Variants in PSG9 observed in about 807,000 individuals in gnomAD.
The protein encoded by PSG9 is pregnancy-specific beta-1-glycoprotein 9.
Under a neutral mutation model 41.9 loss-of-function variants are expected in PSG9, and 49 were observed. The observed-to-expected ratio is 1.17, with a 90% confidence interval of 0.93 to 1.48. The LOEUF (loss-of-function observed/expected upper bound fraction) is 1.48, where lower values mean the gene tolerates loss of function less well. Ranked by LOEUF, PSG9 falls within the 40% of genes most tolerant of loss-of-function variation. PSG9 has a pLI of 0.00. For missense variants in PSG9, 641 were observed against 520.3 expected (o/e 1.23, Z -2.26); for synonymous variants, 263 against 196.8 (o/e 1.34, Z -2.82).
intron 2 of PSG9, among the ~76,000 whole-genome samples, chr19:43,266,025 G>A (rs764718270): frequency 4.6e-5 from 7 of 151,824 alleles, no homozygotes; most frequent in Non-Finnish European, 8.8e-5. Context: ...AAGGCCTAGG[G>A]GTGGGGGAAG....
intron 5 of PSG9, among the ~76,000 whole-genome samples, chr19:43,256,918 TACTC>T (rs1248768150): frequency 6.8e-6 from 1 of 146,932 alleles, no homozygotes. Context: ...AGAGAAGCAT[TACTC>T]ACACTAGCGA....
At chr19:43,266,681 C>G (rs910651255) in intron 2 of PSG9, among the ~76,000 whole-genome samples, 6 of 152,106 alleles carry the variant, frequency 3.9e-5, no homozygotes, top group Admixed American at 1.3e-4. Flanking sequence ...TCTCACTCCT[C>G]TGAGGTTTGG....
intron 5 of PSG9, chr19:43,257,330 A>G (rs1292774655): frequency 1.1e-6 from 1 of 918,314 alleles, no homozygotes; most frequent in Non-Finnish European, 1.3e-6. Flanking sequence ...GGTAAGTCTT[A>G]TATTAGATAT....
intron 2 of PSG9, among the ~76,000 whole-genome samples, chr19:43,263,017 A>T (rs758026907): frequency 1.3e-5 from 2 of 152,326 alleles, no homozygotes; most frequent in South Asian, 2.1e-4. Context: ...CTGGCCCTCA[A>T]GGACCATATG....
Position 43,267,945 on chromosome 19 carries a change from A to G in PSG9, c.269T>C (p.Ile90Thr), listed in dbSNP as rs372358381. Residue 90 changes from isoleucine to threonine, a missense_variant, in exon 2 of 6, where the codon ATA becomes ACA. Physicochemically the swap from Ile to Thr is moderately conservative, Grantham distance 89. Transcript: ENST00000270077. ...TCTTCCACTGTATGCAGGCCCATAT[A>G]TAATTATTTTACCATCAACTATATA... ...ISYIVDGKII[I>T]YGPAYSGRET... 6.8e-6 allele frequency: 11 copies of G among 1,613,494 alleles called. No homozygotes were observed. In the African/African-American group the frequency reaches 1.2e-4, roughly 18 times the overall value.
intron 2 of PSG9, among the ~76,000 whole-genome samples, chr19:43,263,823 C>T (rs60200812): frequency 3.3e-5 from 5 of 151,700 alleles, no homozygotes; most frequent in African/African-American, 9.7e-5. Flanking sequence ...TTAAAAGGAC[C>T]GAACTGGTCA....
chr19:43,269,207 C>T lies in PSG9; in HGVS notation c.64+161G>A, dbSNP rs548128746. 3.3e-5 allele frequency among the ~76,000 whole-genome samples: 5 copies of T among 152,066 alleles called. No individual in the cohort carries two copies. In the South Asian group the frequency reaches 8.3e-4, roughly 25 times the overall value. ...TTTTAGGAGAGACTGGGCTTCACTGCATTGGCCGGACTGATCTTGAACTCC... is the reference window on the plus strand; with the variant it reads ...TTTTAGGAGAGACTGGGCTTCACTGTATTGGCCGGACTGATCTTGAACTCC... On this transcript the variant is annotated intron_variant, in intron 1 of 5. Transcript: ENST00000270077.
chr19:43,268,782 G>C (rs1368193443), intron 1 of PSG9, among the ~76,000 whole-genome samples: 81 of 152,134 alleles, frequency 5.3e-4, no homozygotes, highest in Admixed American at 5.3e-3. Context: ...GCTGAGGATA[G>C]TGTTTCATGT....
chr19:43,255,373 G>T (rs1455908529), intron 5 of PSG9, among the ~76,000 whole-genome samples: 3 of 145,942 alleles, frequency 2.1e-5, no homozygotes, highest in South Asian at 2.2e-4. Context: ...CAACATAAAG[G>T]CAATATGTGA....
chr19:43,256,409 C>T (rs1263797510), intron 5 of PSG9, among the ~76,000 whole-genome samples: 13 of 146,280 alleles, frequency 8.9e-5, no homozygotes, highest in Admixed American at 2.0e-4. Context: ...AGGCAACCCA[C>T]GAAATGATAA....
chr19:43,259,427 G>A (rs1256366075), intron 3 of PSG9: 3 of 466,236 alleles, frequency 6.4e-6, no homozygotes, highest in South Asian at 3.9e-5. Context: ...ACCCCTCCCA[G>A]TCCCTCCCTA....
rs1156552220 is a variant in PSG9 at position 43,267,862 on chromosome 19, C to T, written c.352G>A (p.Gly118Arg). ...LIQNVTRKDA[G>R]TYTLHIIKRG... ...TTTATGATGTGTAAGGTGTAGGTTC[C>T]TGCATCCTTCCGGGTGACATTCTGG... Residue 118 changes from glycine to arginine, a missense_variant, in exon 2 of 6, where the codon GGA becomes AGA. Transcript: ENST00000270077. 1.2e-6 allele frequency: 2 copies of T among 1,613,782 alleles called. No individual in the cohort carries two copies. The highest frequency in any genetic ancestry group is 2.7e-5 in the African/African-American group (2 of 75,002).
At chr19:43,265,150 A>G (rs1261724275) in intron 2 of PSG9, among the ~76,000 whole-genome samples, 14 of 152,168 alleles carry the variant, frequency 9.2e-5, no homozygotes, top group Non-Finnish European at 7.4e-5. Context: ...CAAGAATGAT[A>G]ATAGTTCCTC....
chr19:43,267,957 C>T lies in PSG9; in HGVS notation c.257G>A (p.Gly86Asp). 4 of 1,613,560 alleles carry T rather than the reference C, an allele frequency of 2.5e-6. No homozygotes were observed. The highest frequency in any genetic ancestry group is 2.5e-6 in the Non-Finnish European group (3 of 1,179,652). The change falls in exon 2 of 6, where the codon GGT becomes GAT. Residue 86 changes from glycine (G) to aspartate (D), a missense_variant. Physicochemically the swap from Gly to Asp is moderately conservative, Grantham distance 94. Transcript: ENST00000270077. Reference protein sequence around the residue: ...YHYIISYIVDGKIIIYGPAYS... With the variant: ...YHYIISYIVDDKIIIYGPAYS... ...TGCAGGCCCATATATAATTATTTTA[C>T]CATCAACTATATACGATATAATGTA...
At position 43,253,826 on chromosome 19, in the gene PSG9, G is replaced by T. The variant is rs1483996774; in HGVS notation, c.1244-180C>A. Among the ~76,000 whole-genome samples the T allele has an allele frequency of 1.4e-5, 2 of 146,496 alleles. 1 individual carries two copies. The highest frequency in any genetic ancestry group is 3.0e-5 in the Non-Finnish European group (2 of 67,358). ...CCCATCAGCCTTGCAAATACTCTTA[G>T]AACTGCATTGGTACCTAAAACTTCT... On this transcript the variant is annotated intron_variant, in intron 5 of 5. Coordinates refer to ENST00000270077, the MANE Select transcript of PSG9 (RefSeq NM_002784.5).
At chr19:43,254,941 AT>A (rs2122494506) in intron 5 of PSG9, among the ~76,000 whole-genome samples, 2 of 137,704 alleles carry the variant, frequency 1.5e-5, no homozygotes, top group African/African-American at 2.8e-5. Context: ...ATAAAAAAAA[AT>A]TAGCTGGGCA....
Position 43,258,277 on chromosome 19 carries a change from C to T in PSG9, c.1168G>A (p.Gly390Arg), listed in dbSNP as rs188210101. ...FIPQITRNHS[G>R]LYACSVHNSA... ...TTATGAACAGAGCAAGCATAGAGCC[C>T]GCTATGATTTCTAGTAATTTGGGGG... The change falls in exon 5 of 6, where the codon GGG (glycine) becomes AGG (arginine). Residue 390 changes from glycine (G) to arginine (R), a missense_variant. Gly to Arg is a moderately radical substitution (Grantham distance 125, BLOSUM62 -2). Coordinates refer to ENST00000270077, the MANE Select transcript of PSG9 (RefSeq NM_002784.5). The T allele has an allele frequency of 1.9e-3, 2,969 of 1,592,686 alleles. 423 individuals are homozygous for T. The Admixed American group carries it at 0.047, about 25-fold the overall frequency.
chr19:43,260,796 T>C (rs1445158729), intron 3 of PSG9: 2 of 152,138 alleles, frequency 1.3e-5, no homozygotes, highest in Non-Finnish European at 2.9e-5. Context: ...TTGGGTAGTA[T>C]TGTCTTTCTA....
chr19:43,265,299 T>A (rs1416311067), intron 2 of PSG9, among the ~76,000 whole-genome samples: 2 of 152,176 alleles, frequency 1.3e-5, no homozygotes, highest in African/African-American at 4.8e-5. Context: ...TGCTCCGATG[T>A]CATTTGGCAA....
Sources: gnomAD v4.1 joint callset for allele counts (sites outside exome capture counted in the v4.1 genomes callset) on GRCh38, gnomAD v4.1.1 for gene constraint, MANE v1.5 for transcripts, NCBI Gene and HGNC (gene_info 2026-07-23, HGNC 2026-07-21) for gene names.